Variants in TOPAZ1 observed in about 807,000 individuals in gnomAD.
TOPAZ1 encodes testis and ovary specific TOPAZ 1.
TOPAZ1 carries 66 observed loss-of-function variants against 172.2 expected under a neutral mutation model. The ratio of observed to expected loss-of-function variants is 0.38; its 90% CI spans 0.31 to 0.47. The LOEUF is 0.47. TOPAZ1 is among the 20% of genes least tolerant of loss of function. The pLI, the probability that TOPAZ1 is intolerant of heterozygous loss-of-function variation, is 0.99. For synonymous variants in TOPAZ1, 681 were observed against 683.9 expected (o/e 1.00, Z 0.07); for missense variants, 1,822 against 1,972.4 (o/e 0.92, Z 1.44).
intron 4 of TOPAZ1, 69 bp from the exon 5 acceptor site, chr3:44,262,350 A>C: frequency 4.2e-6 from 3 of 707,048 alleles, no homozygotes; most frequent in Non-Finnish European, 6.7e-6. Context: ...TAAATCCAGT[A>C]AGCCTCATAG....
At chr3:44,272,721 C>T (rs1424002274) in intron 8 of TOPAZ1, among the ~76,000 whole-genome samples, 7 of 151,964 alleles carry the variant, frequency 4.6e-5, no homozygotes, top group African/African-American at 1.2e-4. Flanking sequence ...CCACCAAGCC[C>T]GGCTAATTTT....
intron 6 of TOPAZ1, among the ~76,000 whole-genome samples, chr3:44,268,364 T>A (rs1035196003): frequency 5.4e-5 from 6 of 111,618 alleles, no homozygotes; most frequent in Admixed American, 5.3e-4. Context: ...GTGGTGCCTA[T>A]TCTTTTTTTT....
chr3:44,255,185 G>C (rs1450685130), intron 3 of TOPAZ1, among the ~76,000 whole-genome samples, 156 bp downstream of exon 3: 1 of 152,122 alleles, frequency 6.6e-6, no homozygotes, highest in African/African-American at 2.4e-5. Context: ...TGTTTTAATT[G>C]ACTGGTTGGA....
intron 16 of TOPAZ1, among the ~76,000 whole-genome samples, chr3:44,320,324 G>A (rs940205583): frequency 2.0e-5 from 3 of 152,200 alleles, no homozygotes; most frequent in Non-Finnish European, 2.9e-5. Flanking sequence ...CTGGTCGGGC[G>A]CAGTGGCTCA....
intron 4 of TOPAZ1, among the ~76,000 whole-genome samples, chr3:44,258,933 G>A (rs1209492602): frequency 2.6e-5 from 4 of 152,196 alleles, no homozygotes; most frequent in African/African-American, 9.7e-5. Context: ...CAGTTGAAAT[G>A]TTTGTTCAGT....
chr3:44,261,255 A>G (rs1347924418), intron 4 of TOPAZ1, among the ~76,000 whole-genome samples: 1 of 151,964 alleles, frequency 6.6e-6, no homozygotes, highest in East Asian at 1.9e-4. Context: ...TAGTTTTCTA[A>G]GAGTTCTAGG....
rs750269952 is a variant in TOPAZ1 at position 44,244,022 on chromosome 3, T to G, written c.1516T>G (p.Cys506Gly). ...YYSCARISAW[C>G]WKKASLPESS... ...TTCATGTGCTAGAATATCTGCCTGG[T>G]GTTGGAAAAAGGCTTCCTTGCCAGA... is the stretch of plus-strand genomic sequence containing the variant. The change falls in exon 2 of 20, where the codon TGT becomes GGT. Residue 506 changes from cysteine (C) to glycine (G), a missense_variant. By Grantham distance (159) the Cys-to-Gly change is radical (BLOSUM62 -3). This residue lies in a region of TOPAZ1 where 1,489 missense variants were observed against 1,490.8 expected (regional missense o/e 1.00). Transcript: ENST00000309765. 127 of 1,552,036 alleles carry G rather than the reference T, an allele frequency of 8.2e-5. 1 individual carries two copies. In the South Asian group the frequency reaches 1.5e-3, roughly 18 times the overall value.
At chr3:44,295,285 G>C (rs1700182917) in intron 12 of TOPAZ1, among the ~76,000 whole-genome samples, 1 of 151,990 alleles carries the variant, frequency 6.6e-6, no homozygotes. Flanking sequence ...GTTTATACTT[G>C]CAAAATATTA....
intron 6 of TOPAZ1, among the ~76,000 whole-genome samples, chr3:44,267,610 A>G (rs1231852002): frequency 6.6e-6 from 1 of 152,102 alleles, no homozygotes; most frequent in Non-Finnish European, 1.5e-5. Context: ...AGTACTTTTG[A>G]TGGAACAACG....
At chr3:44,286,901 C>T (rs930763453) in intron 9 of TOPAZ1, among the ~76,000 whole-genome samples, 2 of 152,180 alleles carry the variant, frequency 1.3e-5, no homozygotes, top group African/African-American at 2.4e-5. Context: ...GAATGTTCCA[C>T]AATCACAAAC....
chr3:44,277,288 C>T (rs1422640594), intron 8 of TOPAZ1, among the ~76,000 whole-genome samples: 1 of 152,096 alleles, frequency 6.6e-6, no homozygotes, highest in African/African-American at 2.4e-5. Context: ...TGATTTCTCT[C>T]TCAGCTAGTT....
At chr3:44,249,159 T>C (rs187987596) in intron 2 of TOPAZ1, among the ~76,000 whole-genome samples, 85 of 151,916 alleles carry the variant, frequency 5.6e-4, no homozygotes, top group Middle Eastern at 3.4e-3. Flanking sequence ...TGCTAAAATA[T>C]CAGTTGAATG....
chr3:44,296,803 G>A lies in TOPAZ1; in HGVS notation c.3797+5917G>A, dbSNP rs1575725674. On this transcript the variant is annotated intron_variant, in intron 12 of 19. Coordinates refer to ENST00000309765, the MANE Select transcript of TOPAZ1 (RefSeq NM_001145030.2). Reference sequence around the variant, plus strand: ...GAGGGAACATTTACCAGCATATTTTGATACCAGTGTTACCCAGCCTCCAAA... The same window carrying A: ...GAGGGAACATTTACCAGCATATTTTAATACCAGTGTTACCCAGCCTCCAAA... Among the ~76,000 whole-genome samples, 3 of 126,500 alleles carry A rather than the reference G, an allele frequency of 2.4e-5. No individual in the cohort carries two copies. The South Asian group carries it at 8.1e-4, about 34-fold the overall frequency. 83.0% of individuals were successfully genotyped at this position (126,500 alleles called of 152,430 possible). A position where few individuals can be genotyped will look rare whatever the true frequency, so the allele number is the denominator to read the frequency against.
At chr3:44,278,202 G>A (rs1906574) in intron 8 of TOPAZ1, among the ~76,000 whole-genome samples, 72,248 of 151,936 alleles carry the variant, frequency 0.48, 18,083 homozygotes, top group East Asian at 0.81. Flanking sequence ...TGTGTGTTGT[G>A]CCAAACTTAC....
At chr3:44,260,882 C>T (rs964800183) in intron 4 of TOPAZ1, among the ~76,000 whole-genome samples, 1 of 152,126 alleles carries the variant, frequency 6.6e-6, no homozygotes, top group Non-Finnish European at 1.5e-5. Context: ...ATCCAATTAA[C>T]TAGCCAGTTG....
At chr3:44,297,328 A>G (rs760933585) in intron 12 of TOPAZ1, among the ~76,000 whole-genome samples, 8 of 152,216 alleles carry the variant, frequency 5.3e-5, no homozygotes, top group Non-Finnish European at 1.0e-4. Flanking sequence ...CAAGAATGAA[A>G]AGATGGTTCA....
chr3:44,334,867 TATC>T (rs1453003189), downstream of TOPAZ1, among the ~76,000 whole-genome samples: 1 of 152,212 alleles, frequency 6.6e-6, no homozygotes, highest in Non-Finnish European at 1.5e-5. Flanking sequence ...GCCCTTCTGA[TATC>T]AACAACCATT....
chr3:44,290,158 ATG>A (rs1405487034), intron 11 of TOPAZ1, among the ~76,000 whole-genome samples: 1 of 152,170 alleles, frequency 6.6e-6, no homozygotes, highest in African/African-American at 2.4e-5. Flanking sequence ...GGATAATGTC[ATG>A]TAGAAGAGCT....
At position 44,309,970 on chromosome 3, in the gene TOPAZ1, G is replaced by C; in HGVS notation, c.4286G>C (p.Gly1429Ala). Residue 1429 changes from glycine to alanine, a missense_variant, in exon 16 of 20, where the codon GGT becomes GCT. Physicochemically the swap from Gly to Ala is moderately conservative, Grantham distance 60. Transcript: ENST00000309765. Reference protein sequence around the residue: ...EIFLKSGSLDGAIWVMRESEW... With the variant: ...EIFLKSGSLDAAIWVMRESEW... The stretch of plus-strand genomic sequence containing the variant: ...TTTCTAAAAAGTGGAAGCCTAGATG[G>C]TGCCATTTGGGTAATGAGGGGTAAG... 6.5e-7 allele frequency: 1 copy of C among 1,549,698 alleles called. No individual in the cohort carries two copies. The highest frequency in any genetic ancestry group is 2.4e-5 in the East Asian group (1 of 40,888).
Sources: allele counts gnomAD v4.1 joint callset (sites outside exome capture counted in the v4.1 genomes callset), GRCh38; gene constraint gnomAD v4.1.1; regional missense constraint gnomAD v4.1.1; transcripts MANE v1.5; gene names NCBI Gene and HGNC (gene_info 2026-07-23, HGNC 2026-07-21).